Variants in RAP1GAP observed in about 807,000 individuals in gnomAD.
RAP1GAP encodes the protein rap1 GTPase-activating protein 1.
In RAP1GAP, 35 loss-of-function variants were observed where a neutral mutation model predicts 87.2. The observed-to-expected ratio is 0.40, with a 90% CI of 0.31 to 0.53. The LOEUF (loss-of-function observed/expected upper bound fraction) is 0.53, where lower values mean the gene tolerates loss of function less well. RAP1GAP is among the 20% of genes least tolerant of loss of function. The pLI, the probability that RAP1GAP is intolerant of heterozygous loss-of-function variation, is 0.48. For missense variants in RAP1GAP, 734 were observed against 898.9 expected (o/e 0.82, Z 2.35); for synonymous variants, 375 against 363.9 (o/e 1.03, Z -0.35).
At chr1:21,616,251 G>A (rs879528649) in intron 7 of RAP1GAP, among the ~76,000 whole-genome samples, 1 of 151,774 alleles carries the variant, frequency 6.6e-6, no homozygotes, top group Non-Finnish European at 1.5e-5. Flanking sequence ...GCCAAAGCTG[G>A]TTCAATTCCC....
intron 2 of RAP1GAP, among the ~76,000 whole-genome samples, chr1:21,636,011 G>A (rs1185190059): frequency 8.5e-5 from 13 of 152,252 alleles, no homozygotes; most frequent in Admixed American, 8.5e-4. Context: ...ACTCTTCTAA[G>A]TCGCTTCTCT....
In RAP1GAP at chr1:21,669,209, C is replaced by A. The variant is rs1194026058; in HGVS notation, c.-149+45G>T. ...CCGACGGGAGTCTGGACACCTCTGT[C>A]CCCTTCCCCTTTCCAGGGCCGCAGC... On this transcript the variant is annotated intron_variant, in intron 1 of 24. Coordinates refer to ENST00000374765, the MANE Select transcript of RAP1GAP (RefSeq NM_002885.4). This position sits in a 1 kb window ranked among gnomAD's most constrained non-coding sequence, Gnocchi z 5.6. The A allele has an allele frequency of 8.0e-7, 1 of 1,251,948 alleles. No individual in the cohort carries two copies. Among genetic ancestry groups the A allele is most frequent in the Admixed American group, 2.5e-5 (1 of 39,512 alleles). 77.6% of individuals were successfully genotyped at this position (1,251,948 alleles called of 1,614,324 possible).
chr1:21,619,258 C>G (rs2084787243), intron 4 of RAP1GAP, among the ~76,000 whole-genome samples, 186 bp from the exon 5 acceptor site: 1 of 152,092 alleles, frequency 6.6e-6, no homozygotes, highest in Non-Finnish European at 1.5e-5. Flanking sequence ...CCGGTAGTGA[C>G]CGGGGCTGGA....
intron 14 of RAP1GAP, 74 bp downstream of exon 14, chr1:21,610,046 G>C (rs2077249389): frequency 2.0e-6 from 3 of 1,537,570 alleles, no homozygotes; most frequent in Non-Finnish European, 2.6e-6. Context: ...GAGGCTCAGA[G>C]GGGCATCCCA....
intron 18 of RAP1GAP, among the ~76,000 whole-genome samples, chr1:21,605,758 G>C (rs146577920): frequency 5.9e-4 from 90 of 152,368 alleles, no homozygotes; most frequent in Non-Finnish European, 1.1e-3. Flanking sequence ...TAAGGAATGA[G>C]ACACAGAGGC....
chr1:21,601,344 G>A (rs758754850), intron 20 of RAP1GAP, among the ~76,000 whole-genome samples: 1 of 151,952 alleles, frequency 6.6e-6, no homozygotes, highest in Non-Finnish European at 1.5e-5. Context: ...AAACACCTCT[G>A]CCCCCAGTCC....
At chr1:21,632,190 G>T (rs984683842) in intron 2 of RAP1GAP, among the ~76,000 whole-genome samples, 4 of 152,284 alleles carry the variant, frequency 2.6e-5, no homozygotes, top group African/African-American at 9.6e-5. Context: ...CTTTTCCAGG[G>T]AAAGGGTGAA....
intron 7 of RAP1GAP, among the ~76,000 whole-genome samples, chr1:21,614,297 C>T (rs531119019): frequency 6.6e-6 from 1 of 152,332 alleles, no homozygotes; most frequent in East Asian, 1.9e-4. Flanking sequence ...GGTCACTTGG[C>T]CGCTCTGTGC....
chr1:21,665,059 A>C (rs918563283), intron 1 of RAP1GAP, among the ~76,000 whole-genome samples: 2 of 152,220 alleles, frequency 1.3e-5, no homozygotes, highest in African/African-American at 2.4e-5. Flanking sequence ...ATGTCCTTTT[A>C]GACCCAGCAG....
rs1194103587 is a variant in RAP1GAP, at chr1:21,599,526, TCTC to T, written c.1741_1743del (p.Glu581del). 4 of 1,609,688 alleles carry T rather than the reference TCTC, an allele frequency of 2.5e-6. No individual in the cohort carries two copies. Among genetic ancestry groups the T allele is most frequent in the Non-Finnish European group, 3.4e-6 (4 of 1,179,950 alleles). ...GTGTCCTCTCCGTCCACACCCTCCGTCTCCTCCACCACGCTGGCGAAGCTGCTG... is the reference window on the plus strand; with the variant it reads ...GTGTCCTCTCCGTCCACACCCTCCGTCTCCACCACGCTGGCGAAGCTGCTG... On this transcript the variant is annotated inframe_deletion, in exon 21 of 25. Transcript: ENST00000374765.
rs560060821 is a variant in RAP1GAP at position 21,627,920 on chromosome 1, G to C, written c.-112-1523C>G. Among the ~76,000 whole-genome samples, 369 of 152,334 alleles carry C rather than the reference G, an allele frequency of 2.4e-3. 3 individuals are homozygous for C. The highest frequency in any genetic ancestry group is 3.6e-3 in the Non-Finnish European group (247 of 68,040). On this transcript the variant is annotated intron_variant, in intron 2 of 24. Coordinates refer to ENST00000374765, the MANE Select transcript of RAP1GAP (RefSeq NM_002885.4). Reference sequence around the variant, plus strand: ...GGCATTTCAAGCCTGTGGCATCAGTGTGGGGGAGATAGTCTCAGACACTGA... The same window carrying C: ...GGCATTTCAAGCCTGTGGCATCAGTCTGGGGGAGATAGTCTCAGACACTGA...
chr1:21,609,694 C>T lies in RAP1GAP; in HGVS notation c.1000-48G>A. ...GTTCCTGTGGAGCCTGGGGTCTGCT[C>T]TGCCCCACCCAGCCAGAAACCCCTA... On this transcript the variant is annotated intron_variant, in intron 14 of 24. Transcript: ENST00000374765. The surrounding 1 kb of genome is among the most constrained non-coding windows in gnomAD (Gnocchi z 4.4). 7.1e-7 allele frequency: 1 copy of T among 1,404,514 alleles called. No individual in the cohort carries two copies. Among genetic ancestry groups the T allele is most frequent in the Non-Finnish European group, 9.5e-7 (1 of 1,047,234 alleles). 87.0% of individuals were successfully genotyped at this position (1,404,514 alleles called of 1,614,324 possible).
chr1:21,642,674 G>A (rs1318411927), intron 2 of RAP1GAP, among the ~76,000 whole-genome samples: 1 of 152,124 alleles, frequency 6.6e-6, no homozygotes, highest in African/African-American at 2.4e-5. Flanking sequence ...GGGGGGTTCA[G>A]AGCCTTCCAG....
At position 21,615,992 on chromosome 1, in the gene RAP1GAP, G is replaced by A. The variant is rs546728935; in HGVS notation, c.291+1314C>T. 1.3e-5 allele frequency among the ~76,000 whole-genome samples: 2 copies of A among 152,228 alleles called. No homozygotes were observed. Among genetic ancestry groups the A allele is most frequent in the African/African-American group, 4.8e-5 (2 of 41,528 alleles). ...TCCCAGGCAAAGGCTCCTGAACCTGGGCTTGCTGGTTTAGTCCCAGTCACA... is the reference window on the plus strand; with the variant it reads ...TCCCAGGCAAAGGCTCCTGAACCTGAGCTTGCTGGTTTAGTCCCAGTCACA... On this transcript the variant is annotated intron_variant, in intron 7 of 24. Transcript: ENST00000374765. The surrounding 1 kb of genome is among the most constrained non-coding windows in gnomAD (Gnocchi z 4.5).
At chr1:21,608,480 G>A in intron 16 of RAP1GAP, 130 bp from the exon 17 acceptor site, 1 of 1,276,228 alleles carries the variant, frequency 7.8e-7, no homozygotes. Flanking sequence ...GAGGGCGGAG[G>A]GCTCCTGCAC....
intron 3 of RAP1GAP, among the ~76,000 whole-genome samples, chr1:21,626,008 G>T (rs1410409114): frequency 2.0e-5 from 3 of 152,174 alleles, no homozygotes; most frequent in African/African-American, 7.2e-5. Context: ...TGATGGTGAC[G>T]TTGATTGTGG....
chr1:21,663,575 G>A (rs1202529142), intron 1 of RAP1GAP, among the ~76,000 whole-genome samples: 1 of 152,190 alleles, frequency 6.6e-6, no homozygotes, highest in Non-Finnish European at 1.5e-5. Flanking sequence ...CCCTCCATCA[G>A]CCACCTCCAC....
intron 1 of RAP1GAP, chr1:21,651,659 A>G: frequency 9.7e-7 from 1 of 1,034,378 alleles, no homozygotes; most frequent in Non-Finnish European, 1.4e-6. Context: ...CTCAGCCCCC[A>G]CAGCAGTCAT....
chr1:21,648,215 G>A (rs2096254144), intron 2 of RAP1GAP, among the ~76,000 whole-genome samples: 1 of 152,140 alleles, frequency 6.6e-6, no homozygotes, highest in South Asian at 2.1e-4. Context: ...AGAGGGGATG[G>A]GACTCGCCCA....
Sources: allele counts gnomAD v4.1 joint callset (sites outside exome capture counted in the v4.1 genomes callset), GRCh38; gene constraint gnomAD v4.1.1; non-coding constraint Gnocchi (gnomAD v3.1); transcripts MANE v1.5; gene names NCBI Gene and HGNC (gene_info 2026-07-23, HGNC 2026-07-21).